CSMD1: variants seen among roughly 807,000 people sequenced by gnomAD.
CSMD1 encodes the protein CUB and Sushi multiple domains 1, also known as CUB and sushi domain-containing protein 1.
CSMD1 carries 213 observed loss-of-function variants against 417.5 expected under a neutral mutation model. That is an observed-to-expected ratio of 0.51 (90% CI 0.46 to 0.57). The LOEUF (loss-of-function observed/expected upper bound fraction) is 0.57. Among genes scored for constraint, CSMD1 ranks in the 20% least tolerant of loss-of-function variants. The pLI is 0.00. For missense variants in CSMD1, 6,923 were observed against 4,529.7 expected (o/e 1.53, Z -15.17); for synonymous variants, 2,862 against 1,736.8 (o/e 1.65, Z -16.11).
chr8:3,393,676 C>T (rs1037402653), intron 17 of CSMD1, among the ~76,000 whole-genome samples: 1 of 151,936 alleles, frequency 6.6e-6, no homozygotes, highest in Non-Finnish European at 1.5e-5. Context: ...TTGATGAGTT[C>T]ATGTCTTTTG....
intron 6 of CSMD1, among the ~76,000 whole-genome samples, chr8:3,738,073 T>G (rs1173634873): frequency 6.6e-6 from 1 of 152,240 alleles, no homozygotes; most frequent in African/African-American, 2.4e-5. Context: ...TGTAAATGAT[T>G]ACTATAGTCT....
chr8:4,946,466 C>G (rs1808374734), intron 1 of CSMD1, among the ~76,000 whole-genome samples: 1 of 152,116 alleles, frequency 6.6e-6, no homozygotes, highest in African/African-American at 2.4e-5. Context: ...TGCCCAGTGA[C>G]CCTCTATGGA....
At chr8:3,476,313 T>A (rs1225313559) in intron 11 of CSMD1, among the ~76,000 whole-genome samples, 6 of 152,210 alleles carry the variant, frequency 3.9e-5, no homozygotes, top group African/African-American at 1.2e-4. Context: ...GAGTAATGAT[T>A]TTAGTTCTCT....
intron 1 of CSMD1, among the ~76,000 whole-genome samples, chr8:4,976,925 A>C (rs186325377): frequency 5.4e-4 from 82 of 152,304 alleles, no homozygotes; most frequent in African/African-American, 1.8e-3. Flanking sequence ...CAGAGCATCA[A>C]GTGTGTTCTG....
At chr8:3,642,896 CAT>C (rs1007341586) in intron 7 of CSMD1, among the ~76,000 whole-genome samples, 6 of 151,440 alleles carry the variant, frequency 4.0e-5, no homozygotes, top group Admixed American at 3.9e-4. Context: ...CATACACACA[CAT>C]ATATATATAA....
At chr8:3,343,995 T>G (rs13254849) in intron 22 of CSMD1, among the ~76,000 whole-genome samples, 3 of 152,112 alleles carry the variant, frequency 2.0e-5, no homozygotes, top group African/African-American at 7.3e-5. Flanking sequence ...ATAACAGAAG[T>G]ATCTCATCAT....
chr8:4,938,283 C>A (rs1463035723), intron 1 of CSMD1, among the ~76,000 whole-genome samples: 3 of 152,100 alleles, frequency 2.0e-5, no homozygotes, highest in Non-Finnish European at 4.4e-5. Flanking sequence ...TTGGACTTTG[C>A]AGAGTGGGAA....
intron 46 of CSMD1, among the ~76,000 whole-genome samples, chr8:3,097,441 G>C (rs1385150295): frequency 7.0e-6 from 1 of 142,758 alleles, no homozygotes. Context: ...ATTTATTTTG[G>C]CTTTAAATAT....
chr8:3,815,682 T>C (rs1031451887), intron 5 of CSMD1, among the ~76,000 whole-genome samples: 7 of 151,824 alleles, frequency 4.6e-5, no homozygotes, highest in Non-Finnish European at 7.4e-5. Flanking sequence ...CAGTCTCTTA[T>C]CAATGATGGT....
intron 3 of CSMD1, among the ~76,000 whole-genome samples, chr8:4,252,026 T>G (rs1035998611): frequency 6.6e-6 from 1 of 152,124 alleles, no homozygotes. Context: ...TTTTGAGTTG[T>G]GTTTACTTGA....
intron 3 of CSMD1, among the ~76,000 whole-genome samples, chr8:4,271,051 G>A (rs916728002): frequency 6.6e-6 from 1 of 152,186 alleles, no homozygotes; most frequent in African/African-American, 2.4e-5. Context: ...AGATTTCCTA[G>A]AAGAGCTGGT....
intron 9 of CSMD1, among the ~76,000 whole-genome samples, chr8:3,577,834 C>G (rs961115502): frequency 2.0e-5 from 3 of 152,154 alleles, no homozygotes; most frequent in South Asian, 2.1e-4. Context: ...GTTATTGCCT[C>G]CTTGCATCTA....
chr8:3,970,981 C>G (rs139926283), intron 5 of CSMD1, among the ~76,000 whole-genome samples: 4,448 of 152,186 alleles, frequency 0.029, 84 homozygotes, highest in Middle Eastern at 0.061. Flanking sequence ...GAAGTCCTGA[C>G]CTCAGGTGAT....
At chr8:4,443,572 T>A (rs781087226) in intron 2 of CSMD1, among the ~76,000 whole-genome samples, 2 of 152,058 alleles carry the variant, frequency 1.3e-5, no homozygotes, top group Non-Finnish European at 2.9e-5. Flanking sequence ...TCAAGACACA[T>A]GAATAATATG....
chr8:4,970,099 T>C (rs1056612967), intron 1 of CSMD1, among the ~76,000 whole-genome samples: 1 of 152,034 alleles, frequency 6.6e-6, no homozygotes, highest in African/African-American at 2.4e-5. Flanking sequence ...AAAAATAATA[T>C]ATAAAGTAAT....
At chr8:3,009,679 G>T (rs1477847765) in intron 52 of CSMD1, among the ~76,000 whole-genome samples, 1 of 152,104 alleles carries the variant, frequency 6.6e-6, no homozygotes, top group East Asian at 1.9e-4. Context: ...CAATCTCTAG[G>T]GGCAATGCTG....
At chr8:3,965,747 A>T (rs375682788) in intron 5 of CSMD1, among the ~76,000 whole-genome samples, 1 of 152,004 alleles carries the variant, frequency 6.6e-6, no homozygotes, top group Non-Finnish European at 1.5e-5. Context: ...CCTCCCGAGT[A>T]GCTGGGACTA....
chr8:4,437,008 A>AT (rs1418827647), intron 2 of CSMD1, among the ~76,000 whole-genome samples: 2 of 152,146 alleles, frequency 1.3e-5, no homozygotes, highest in Admixed American at 1.3e-4. Flanking sequence ...GACTATCCTG[A>AT]TTCTCTCTAT....
chr8:3,677,461 G>C (rs1271609311), intron 7 of CSMD1, among the ~76,000 whole-genome samples: 2 of 152,184 alleles, frequency 1.3e-5, no homozygotes, highest in Non-Finnish European at 2.9e-5. Flanking sequence ...AAAGTCCTGG[G>C]TGAATGCACA....
Sources: gnomAD v4.1 joint callset for allele counts (sites outside exome capture counted in the v4.1 genomes callset) on GRCh38, gnomAD v4.1.1 for gene constraint, MANE v1.5 for transcripts, NCBI Gene and HGNC (gene_info 2026-07-23, HGNC 2026-07-21) for gene names.